The following RUFY3 variants were observed in gnomAD, a reference collection of about 807,000 sequenced individuals.
RUFY3 encodes protein RUFY3.
RUFY3 carries 34 observed loss-of-function variants against 84.0 expected under a neutral mutation model. The observed-to-expected ratio is 0.40, with a 90% CI of 0.31 to 0.54. The LOEUF is 0.54. Ranked by LOEUF, RUFY3 falls within the 20% of genes least tolerant of loss-of-function variation. The pLI is 0.39. For synonymous variants in RUFY3, 242 were observed against 252.9 expected, an observed-to-expected ratio of 0.96 and a Z score of 0.41; for missense variants, 507 against 736.8, an observed-to-expected ratio of 0.69 and a Z score of 3.61.
chr4:70,734,892 T>A (rs1720033782), intron 1 of RUFY3, among the ~76,000 whole-genome samples: 1 of 152,246 alleles, frequency 6.6e-6, no homozygotes, highest in Non-Finnish European at 1.5e-5. Flanking sequence ...TCTGGACCTT[T>A]CGTGAAACAG....
At chr4:70,760,364 T>G (rs537153334) in intron 1 of RUFY3, among the ~76,000 whole-genome samples, 1 of 152,348 alleles carries the variant, frequency 6.6e-6, no homozygotes, top group South Asian at 2.1e-4. Context: ...AAACTTTGAC[T>G]AGCAGCATTG....
At chr4:70,767,077 G>C (rs576077846) in intron 4 of RUFY3, among the ~76,000 whole-genome samples, 1 of 151,324 alleles carries the variant, frequency 6.6e-6, no homozygotes, top group Non-Finnish European at 1.5e-5. Flanking sequence ...TCTGTGGCTT[G>C]ATAGCTCCCT....
chr4:70,765,469 AT>A (rs1161489809), intron 4 of RUFY3, among the ~76,000 whole-genome samples: 1 of 152,120 alleles, frequency 6.6e-6, no homozygotes, highest in Non-Finnish European at 1.5e-5. Context: ...CATGATAGTG[AT>A]TACACAGATA....
chr4:70,759,558 C>T (rs1724663900), intron 1 of RUFY3, among the ~76,000 whole-genome samples: 1 of 152,162 alleles, frequency 6.6e-6, no homozygotes, highest in African/African-American at 2.4e-5. Flanking sequence ...ATTGCTGAAT[C>T]ATATGGTAGT....
chr4:70,775,917 G>T (rs1034455278), intron 7 of RUFY3, among the ~76,000 whole-genome samples: 2 of 145,922 alleles, frequency 1.4e-5, no homozygotes, highest in African/African-American at 5.3e-5. Flanking sequence ...CCCCACCCTG[G>T]GTTACAGAGC....
At chr4:70,707,261 G>A (rs968719306) in intron 1 of RUFY3, among the ~76,000 whole-genome samples, 5 of 152,188 alleles carry the variant, frequency 3.3e-5, no homozygotes, top group Non-Finnish European at 2.9e-5. Flanking sequence ...CAAATGTATG[G>A]TGTTTTTTTG....
intron 1 of RUFY3, among the ~76,000 whole-genome samples, chr4:70,744,801 C>A (rs1267363675): frequency 6.6e-6 from 1 of 151,708 alleles, no homozygotes; most frequent in Admixed American, 6.6e-5. Context: ...ACTACAGGCA[C>A]ATGCCACCAC....
intron 1 of RUFY3, among the ~76,000 whole-genome samples, chr4:70,728,613 T>C (rs1718698727): frequency 6.6e-6 from 1 of 152,210 alleles, no homozygotes; most frequent in African/African-American, 2.4e-5. Flanking sequence ...TTCAGACAGA[T>C]TTTTTTAAAA....
intron 1 of RUFY3, among the ~76,000 whole-genome samples, chr4:70,745,721 A>G (rs1157081497): frequency 2.0e-5 from 3 of 152,200 alleles, no homozygotes; most frequent in Admixed American, 1.3e-4. Context: ...GAAGAAACAT[A>G]TCTTAAGAGA....
intron 1 of RUFY3, among the ~76,000 whole-genome samples, chr4:70,709,428 C>A (rs963957495): frequency 6.6e-6 from 1 of 152,192 alleles, no homozygotes; most frequent in African/African-American, 2.4e-5. Flanking sequence ...ACCCTCTCCC[C>A]GGTTCCTTAT....
Position 70,803,040 on chromosome 4 carries a change from G to A in RUFY3, c.1650+57G>A, listed in dbSNP as rs16845456. ...TATGAATTATGAAGTTGGTTGTACC[G>A]TGCCTAGCCAGCAAATAAGGTAGCA... On this transcript the variant is annotated intron_variant, in intron 16 of 17. Transcript: ENST00000381006. The A allele has an allele frequency of 2.3e-3, 3,163 of 1,351,920 alleles. 48 individuals carry two copies. In the African/African-American group the frequency reaches 0.035, roughly 15 times the overall value. The allele number at this position is 1,351,920 out of a possible 1,614,324, so 83.7% of individuals were successfully genotyped here. A position where few individuals can be genotyped will look rare whatever the true frequency, so the allele number is the denominator to read the frequency against.
chr4:70,804,725 G>C (rs1732644861), intron 17 of RUFY3, among the ~76,000 whole-genome samples: 1 of 137,424 alleles, frequency 7.3e-6, no homozygotes, highest in South Asian at 2.3e-4. Flanking sequence ...AGACCAGCCT[G>C]ATCAACATGG....
At chr4:70,768,420 G>C in intron 4 of RUFY3, 118 bp from the exon 5 acceptor site, 2 of 775,332 alleles carry the variant, frequency 2.6e-6, no homozygotes, top group Non-Finnish European at 3.9e-6. Flanking sequence ...TATTTTTGTA[G>C]ATGGCTATAA....
In RUFY3 at chr4:70,807,505, A is replaced by G. The variant is rs531927280; in HGVS notation, c.*846A>G. The stretch of plus-strand genomic sequence containing the variant: ...GAAGATATTGATTAAAGCAAAGTCA[A>G]ATATAGAGTAAAATAAGTTTAATTT... On this transcript the variant is annotated 3_prime_UTR_variant, in exon 18 of 18. Coordinates refer to ENST00000381006, the MANE Select transcript of RUFY3 (RefSeq NM_001037442.4). 1.3e-5 allele frequency among the ~76,000 whole-genome samples: 2 copies of G among 152,306 alleles called. No individual in the cohort carries two copies. Among genetic ancestry groups the G allele is most frequent in the East Asian group, 3.9e-4 (2 of 5,188 alleles).
At chr4:70,708,213 T>G (rs1450338284) in intron 1 of RUFY3, among the ~76,000 whole-genome samples, 5 of 152,238 alleles carry the variant, frequency 3.3e-5, no homozygotes, top group Admixed American at 1.3e-4. Context: ...CACTCTGTGC[T>G]CAGGCTAGAG....
intron 1 of RUFY3, among the ~76,000 whole-genome samples, chr4:70,705,922 A>G (rs1327105293): frequency 6.6e-6 from 1 of 152,174 alleles, no homozygotes; most frequent in African/African-American, 2.4e-5. Context: ...GCATGAGAAG[A>G]CAAGAAGGGA....
intron 15 of RUFY3, among the ~76,000 whole-genome samples, chr4:70,800,739 G>A (rs552285730): frequency 3.7e-4 from 57 of 152,206 alleles, no homozygotes; most frequent in Middle Eastern, 3.4e-3. Flanking sequence ...AAAATTAGTC[G>A]GGTCTGGTGG....
upstream of RUFY3, among the ~76,000 whole-genome samples, chr4:70,717,370 C>A (rs7678779): frequency 0.22 from 32,689 of 151,964 alleles, 7,849 homozygotes; most frequent in African/African-American, 0.59. Context: ...CTTTGTGAGC[C>A]CATGACAGAA....
intron 14 of RUFY3, among the ~76,000 whole-genome samples, chr4:70,796,517 T>TA (rs1560571569): frequency 6.6e-6 from 1 of 152,230 alleles, no homozygotes; most frequent in Non-Finnish European, 1.5e-5. Flanking sequence ...CTGCAGCTGA[T>TA]ACGGGCACAA....
Sources: allele counts gnomAD v4.1 joint callset (sites outside exome capture counted in the v4.1 genomes callset), GRCh38; gene constraint gnomAD v4.1.1; transcripts MANE v1.5; gene names NCBI Gene and HGNC (gene_info 2026-07-23, HGNC 2026-07-21).